INSL6: variants seen among roughly 807,000 people sequenced by gnomAD.
INSL6 encodes the protein insulin like 6, also known as insulin-like peptide INSL6.
INSL6 carries 16 observed loss-of-function variants against 9.4 expected under a neutral mutation model. The observed-to-expected ratio is 1.70, with a 90% CI of 1.15 to 2.59. The LOEUF is 2.59. Among genes scored for constraint, INSL6 ranks in the 30% most tolerant of loss-of-function variants. The probability of loss-of-function intolerance (pLI) is 0.00; values close to 1 mark genes in which losing one functional copy is unlikely to be tolerated. For missense variants in INSL6, 391 were observed against 257.3 expected (o/e 1.52, Z -3.56); for synonymous variants, 154 against 96.9 (o/e 1.59, Z -3.46).
chr9:5,081,773 G>C, the INSL6 span: 2 of 1,604,318 alleles, frequency 1.2e-6, no homozygotes, highest in Non-Finnish European at 1.7e-6. Flanking sequence ...ATGAGGATAG[G>C]TGCCCTGGGG....
chr9:5,008,111 C>T, the INSL6 span, among the ~76,000 whole-genome samples: 2 of 152,006 alleles, frequency 1.3e-5, no homozygotes, highest in African/African-American at 4.8e-5. Context: ...CATTTTTATG[C>T]GATATTCTTC....
intron 2 of INSL6, among the ~76,000 whole-genome samples, chr9:5,150,853 AC>A (rs1824698608): frequency 1.1e-5 from 1 of 91,970 alleles, no homozygotes; most frequent in African/African-American, 2.9e-5. Context: ...GGAGACACAC[AC>A]ACACACACAC....
At chr9:5,112,500 AG>A in the INSL6 span, 1 of 560,972 alleles carries the variant, frequency 1.8e-6, no homozygotes, top group East Asian at 3.2e-5. Flanking sequence ...ACGAGGAGGA[AG>A]ATGACCTTTT....
At chr9:5,077,153 T>C in the INSL6 span, among the ~76,000 whole-genome samples, 1 of 151,326 alleles carries the variant, frequency 6.6e-6, no homozygotes, top group African/African-American at 2.4e-5. Flanking sequence ...TCATTTATTT[T>C]TAAAAACCAG....
At chr9:5,115,161 G>C in the INSL6 span, among the ~76,000 whole-genome samples, 5 of 152,026 alleles carry the variant, frequency 3.3e-5, no homozygotes, top group Admixed American at 2.6e-4. Context: ...TTGCAATCTA[G>C]CCACCTGACA....
At chr9:5,148,922 G>A (rs1824655601) in intron 2 of INSL6, among the ~76,000 whole-genome samples, 1 of 150,594 alleles carries the variant, frequency 6.6e-6, no homozygotes, top group Non-Finnish European at 1.5e-5. Context: ...GGAGGTGCTG[G>A]TGGGCAAGCT....
the INSL6 span, chr9:5,108,113 C>T: frequency 6.6e-6 from 1 of 151,966 alleles, no homozygotes; most frequent in Non-Finnish European, 1.5e-5. Flanking sequence ...CTGATGTCAC[C>T]CCTCCTAATT....
At chr9:5,037,502 A>G in the INSL6 span, among the ~76,000 whole-genome samples, 1 of 152,244 alleles carries the variant, frequency 6.6e-6, no homozygotes, top group Non-Finnish European at 1.5e-5. Context: ...TGTGGCACAT[A>G]TACACCATGG....
the INSL6 span, chr9:5,114,613 T>C: frequency 2.1e-6 from 1 of 487,246 alleles, no homozygotes; most frequent in East Asian, 5.6e-5. Flanking sequence ...TACAACGAGG[T>C]GCAGCTCCCG....
At chr9:4,997,131 C>T in the INSL6 span, among the ~76,000 whole-genome samples, 4 of 151,704 alleles carry the variant, frequency 2.6e-5, no homozygotes, top group African/African-American at 7.3e-5. Flanking sequence ...GGGGTTTCAC[C>T]GTGTCACTCA....
At chr9:5,098,922 C>G in the INSL6 span, 4 of 152,144 alleles carry the variant, frequency 2.6e-5, no homozygotes, top group East Asian at 7.7e-4. Context: ...TCTTCATCTC[C>G]TGACGTTGTG....
At chr9:5,077,683 C>A in the INSL6 span, 3 of 643,946 alleles carry the variant, frequency 4.7e-6, no homozygotes, top group Non-Finnish European at 7.2e-6. Context: ...TAATTGGATG[C>A]CAATTCATGT....
the INSL6 span, among the ~76,000 whole-genome samples, chr9:5,006,020 A>G: frequency 2.0e-5 from 3 of 152,262 alleles, no homozygotes; most frequent in African/African-American, 7.2e-5. Flanking sequence ...GTTTTTTCCA[A>G]TTCTGTGAAG....
chr9:5,077,428 T>A, the INSL6 span: 1 of 854,790 alleles, frequency 1.2e-6, no homozygotes, highest in South Asian at 3.2e-5. Context: ...TAAGCCTTAT[T>A]ATTATTACTT....
At chr9:5,095,193 T>C in the INSL6 span, among the ~76,000 whole-genome samples, 1 of 151,352 alleles carries the variant, frequency 6.6e-6, no homozygotes, top group East Asian at 1.9e-4. Context: ...GGGCCCATTC[T>C]CCTGAAAATG....
At chr9:5,013,567 G>C in the INSL6 span, among the ~76,000 whole-genome samples, 1 of 152,118 alleles carries the variant, frequency 6.6e-6, no homozygotes, top group African/African-American at 2.4e-5. Flanking sequence ...TCTCTACTTT[G>C]TTCCAGGAAC....
the INSL6 span, among the ~76,000 whole-genome samples, chr9:5,071,951 A>G: frequency 1.3e-5 from 2 of 152,232 alleles, no homozygotes; most frequent in Non-Finnish European, 2.9e-5. Context: ...ACTATGTGTC[A>G]TGGACTGTGC....
chr9:5,146,253 TG>T (rs1824600529), intron 2 of INSL6, among the ~76,000 whole-genome samples: 1 of 152,192 alleles, frequency 6.6e-6, no homozygotes, highest in African/African-American at 2.4e-5. Context: ...CTGTGTGCTC[TG>T]AGAGACTTGA....
intron 2 of INSL6, among the ~76,000 whole-genome samples, chr9:5,146,742 C>T (rs1417468434): frequency 6.6e-6 from 1 of 152,188 alleles, no homozygotes; most frequent in African/African-American, 2.4e-5. Context: ...CAGACATGTG[C>T]CAGCAAAGCA....
Sources: gnomAD v4.1 joint callset for allele counts (sites outside exome capture counted in the v4.1 genomes callset) on GRCh38, gnomAD v4.1.1 for gene constraint, MANE v1.5 for transcripts, NCBI Gene and HGNC (gene_info 2026-07-23, HGNC 2026-07-21) for gene names.